The following FBXO10 variants were observed in gnomAD, a reference collection of about 807,000 sequenced individuals.
The protein encoded by FBXO10 is F-box only protein 10.
Under a neutral mutation model 80.7 loss-of-function variants are expected in FBXO10, and 39 were observed. The ratio of observed to expected loss-of-function variants is 0.48; its 90% CI spans 0.37 to 0.63. The LOEUF (loss-of-function observed/expected upper bound fraction) is 0.63. Ranked by LOEUF, FBXO10 falls within the 30% of genes least tolerant of loss-of-function variation. The pLI, the probability that FBXO10 is intolerant of heterozygous loss-of-function variation, is 0.00. For missense variants in FBXO10, 1,025 were observed against 1,269.0 expected (o/e 0.81, Z 2.92); for synonymous variants, 449 against 489.6 (o/e 0.92, Z 1.09).
chr9:37,519,322 G>A (rs138197944), intron 8 of FBXO10, among the ~76,000 whole-genome samples: 3 of 152,322 alleles, frequency 2.0e-5, no homozygotes, highest in African/African-American at 7.2e-5. Context: ...TGACGCTTGC[G>A]GTTGTGTGTA....
intron 8 of FBXO10, among the ~76,000 whole-genome samples, chr9:37,519,265 C>T (rs981595866): frequency 4.6e-5 from 7 of 152,086 alleles, no homozygotes; most frequent in African/African-American, 9.7e-5. Flanking sequence ...ACTTACTAAG[C>T]GAGTAATATG....
At chr9:37,563,843 G>T (rs1325115538) in intron 1 of FBXO10, among the ~76,000 whole-genome samples, 1 of 152,240 alleles carries the variant, frequency 6.6e-6, no homozygotes, top group East Asian at 1.9e-4. Context: ...CCTATTGGAT[G>T]TGATAGAAAA....
At chr9:37,522,419 A>G (rs1168978835) in intron 7 of FBXO10, 15 of 1,028,478 alleles carry the variant, frequency 1.5e-5, no homozygotes, top group Non-Finnish European at 1.6e-5. Context: ...GCTCTGCCCA[A>G]AGTCACTGCG....
At chr9:37,570,776 C>T (rs368327059) in intron 1 of FBXO10, among the ~76,000 whole-genome samples, 24 of 152,228 alleles carry the variant, frequency 1.6e-4, no homozygotes, top group African/African-American at 4.3e-4. Flanking sequence ...AGGTGAATCA[C>T]GAGGTCAAGA....
intron 10 of FBXO10, among the ~76,000 whole-genome samples, chr9:37,514,463 T>TA (rs1799990189): frequency 6.6e-6 from 1 of 152,164 alleles, no homozygotes; most frequent in South Asian, 2.1e-4. Context: ...TTTTTAACTG[T>TA]ATACTTTAAA....
At chr9:37,533,124 TA>T (rs1460955465) in intron 3 of FBXO10, among the ~76,000 whole-genome samples, 1 of 151,108 alleles carries the variant, frequency 6.6e-6, no homozygotes, top group Non-Finnish European at 1.5e-5. Flanking sequence ...TAAAGGGATA[TA>T]TTTCCAATTA....
intron 1 of FBXO10, among the ~76,000 whole-genome samples, chr9:37,559,956 T>C (rs1563888305): frequency 6.6e-6 from 1 of 152,238 alleles, no homozygotes; most frequent in Non-Finnish European, 1.5e-5. Context: ...TATGAAACTC[T>C]AAAGGGCATT....
At chr9:37,543,894 C>A (rs1821986541) in intron 1 of FBXO10, among the ~76,000 whole-genome samples, 1 of 152,180 alleles carries the variant, frequency 6.6e-6, no homozygotes, top group Non-Finnish European at 1.5e-5. Context: ...CTTTGGGAGG[C>A]CAAGGTGGGT....
chr9:37,563,193 T>C (rs887689706), intron 1 of FBXO10, among the ~76,000 whole-genome samples: 16 of 152,212 alleles, frequency 1.1e-4, no homozygotes, highest in African/African-American at 3.1e-4. Context: ...AGGTGCCTTC[T>C]GCCATGATTG....
intron 2 of FBXO10, among the ~76,000 whole-genome samples, chr9:37,538,775 C>T (rs1351004354): frequency 2.0e-5 from 3 of 151,830 alleles, no homozygotes; most frequent in Non-Finnish European, 4.4e-5. Flanking sequence ...CAAATGACTT[C>T]ACCTCTTTAA....
intron 1 of FBXO10, among the ~76,000 whole-genome samples, chr9:37,552,079 G>A (rs1225257388): frequency 3.3e-5 from 5 of 152,166 alleles, no homozygotes; most frequent in African/African-American, 1.2e-4. Flanking sequence ...TTCTGTCTGA[G>A]ACCTCATCAG....
rs1821810074 is a variant in FBXO10, at chr9:37,537,790, C to T, written c.739G>A (p.Glu247Lys). 1 of 1,613,810 alleles carries T rather than the reference C, an allele frequency of 6.2e-7. No individual in the cohort carries two copies. The highest frequency in any genetic ancestry group is 8.5e-7 in the Non-Finnish European group (1 of 1,179,876). The change falls in exon 3 of 11, where the codon GAA becomes AAA. Residue 247 changes from glutamate to lysine, a missense_variant. By Grantham distance (56) the Glu-to-Lys change is moderately conservative. Transcript: ENST00000432825. The part of the protein sequence containing the change: ...NVPLCVLENC[E>K]FVGSENNSVT... ...GAGTTGTTTTCACTGCCCACAAATT[C>T]ACAGTTTTCCAGGACACACAGGGGC...
At chr9:37,523,588 T>C (rs1821394877) in intron 6 of FBXO10, among the ~76,000 whole-genome samples, 1 of 152,002 alleles carries the variant, frequency 6.6e-6, no homozygotes, top group Non-Finnish European at 1.5e-5. Flanking sequence ...TGAGTGACAC[T>C]GGTGTCCAAA....
chr9:37,537,404 G>T lies in FBXO10; in HGVS notation c.1125C>A (p.Ser375=). 6.3e-7 allele frequency: 1 copy of T among 1,598,444 alleles called. No homozygotes were observed. The highest frequency in any genetic ancestry group is 1.3e-5 in the African/African-American group (1 of 74,722). Residue 375 remains serine (S), a synonymous_variant, in exon 3 of 11, where the codon TCC becomes TCA. Transcript: ENST00000432825. The part of the protein sequence containing the change: ...EDEDQLMYRL[S]YQVQGPRPVL... Reference sequence around the variant, plus strand: ...CAGGGCGTGGGCCCTGCACTTGGTAGGATAGTCTGTACATCAGCTGGTCCT... The same window carrying T: ...CAGGGCGTGGGCCCTGCACTTGGTATGATAGTCTGTACATCAGCTGGTCCT...
intron 3 of FBXO10, 86 bp from the exon 4 acceptor site, chr9:37,532,144 A>G: frequency 7.0e-7 from 1 of 1,422,270 alleles, no homozygotes; most frequent in South Asian, 1.3e-5. Context: ...TCTTTTCCGC[A>G]CCACCTGATC....
Position 37,541,335 on chromosome 9 carries a change from C to T in FBXO10, c.434G>A (p.Gly145Asp), listed in dbSNP as rs201749348. 23 of 1,613,922 alleles carry T rather than the reference C, an allele frequency of 1.4e-5. No individual in the cohort carries two copies. The Admixed American group carries it at 1.7e-4, about 12-fold the overall frequency. ...VLFPGVYEEQ[G>D]EIILKVPVEI... is the part of the protein sequence containing the mutation. Reference sequence around the variant, plus strand: ...CACAGGCACCTTCAAGATGATTTCACCTTGCTCTTCGTACACACCTGGGAA... The same window carrying T: ...CACAGGCACCTTCAAGATGATTTCATCTTGCTCTTCGTACACACCTGGGAA... Residue 145 changes from glycine (G) to aspartate (D), a missense_variant, in exon 2 of 11, where the codon GGT (glycine) becomes GAT (aspartate). Around this residue, in one of 3 missense-constraint regions of FBXO10, gnomAD observed 450 missense variants for 499.4 expected, o/e 0.90. Transcript: ENST00000432825.
intron 1 of FBXO10, among the ~76,000 whole-genome samples, chr9:37,548,778 T>C (rs915790821): frequency 2.0e-5 from 3 of 151,984 alleles, no homozygotes; most frequent in Non-Finnish European, 2.9e-5. Context: ...AGACGGAGTC[T>C]CCCTCTGTTG....
chr9:37,522,050 G>A (rs896549390), intron 7 of FBXO10: 11 of 593,972 alleles, frequency 1.9e-5, no homozygotes, highest in African/African-American at 3.7e-5. Flanking sequence ...AGCTCGGCTC[G>A]TTCCACACAG....
rs1310862222 is a variant in FBXO10 at position 37,532,026 on chromosome 9, G to A, written c.1452C>T (p.Cys484=). 6.2e-7 allele frequency: 1 copy of A among 1,613,828 alleles called. No individual in the cohort carries two copies. Among genetic ancestry groups the A allele is most frequent in the South Asian group, 1.1e-5 (1 of 91,060 alleles). ...AGCGAAGAAAGATGCCTGACGCTCG[G>A]CAGCGGTAAATGTCGTTCCTGAGCA... is the stretch of plus-strand genomic sequence containing the variant. The part of the protein sequence containing the change: ...IIMLRNDIYR[C]RASGIFLRLE... The change falls in exon 4 of 11, where the codon TGC becomes TGT. Residue 484 remains cysteine (C), a synonymous_variant. Coordinates refer to ENST00000432825, the MANE Select transcript of FBXO10 (RefSeq NM_012166.3).
Sources: gnomAD v4.1 joint callset for allele counts (sites outside exome capture counted in the v4.1 genomes callset) on GRCh38, gnomAD v4.1.1 for gene constraint, gnomAD v4.1.1 regional missense constraint, MANE v1.5 for transcripts, NCBI Gene and HGNC (gene_info 2026-07-23, HGNC 2026-07-21) for gene names.